Variants in GPC6 observed in about 807,000 individuals in gnomAD.
GPC6 encodes glypican 6.
A neutral mutation model predicts 55.2 loss-of-function variants in GPC6; 14 were observed. The ratio of observed to expected loss-of-function variants is 0.25; its 90% CI spans 0.17 to 0.40. The LOEUF is 0.40. Among genes scored for constraint, GPC6 ranks in the 10% least tolerant of loss-of-function variants. The pLI, the probability that GPC6 is intolerant of heterozygous loss-of-function variation, is 1.00. For missense variants in GPC6, 641 were observed against 708.5 expected, an observed-to-expected ratio of 0.90 and a Z score of 1.08; for synonymous variants, 278 against 259.6, an observed-to-expected ratio of 1.07 and a Z score of -0.68.
intron 4 of GPC6, among the ~76,000 whole-genome samples, chr13:94,096,475 T>C (rs534252484): frequency 7.9e-5 from 12 of 152,280 alleles, no homozygotes; most frequent in Non-Finnish European, 1.5e-4. Flanking sequence ...CTCTTTATTG[T>C]TTCAGAGTCT....
chr13:93,812,595 A>G (rs1364719755), intron 2 of GPC6, among the ~76,000 whole-genome samples: 1 of 152,196 alleles, frequency 6.6e-6, no homozygotes, highest in African/African-American at 2.4e-5. Flanking sequence ...CACTTCTCTT[A>G]ATAAAGATAC....
intron 4 of GPC6, among the ~76,000 whole-genome samples, chr13:94,106,557 G>A (rs1488418908): frequency 6.6e-6 from 1 of 151,774 alleles, no homozygotes; most frequent in Non-Finnish European, 1.5e-5. Context: ...GAGAGAGGGA[G>A]GGAAAGAGAT....
intron 2 of GPC6, among the ~76,000 whole-genome samples, chr13:93,779,482 G>A (rs1245798467): frequency 6.6e-6 from 1 of 152,064 alleles, no homozygotes; most frequent in East Asian, 1.9e-4. Context: ...AAGTATCTAT[G>A]GACCATTAGA....
At chr13:93,569,174 A>C (rs570327270) in intron 2 of GPC6, among the ~76,000 whole-genome samples, 5 of 152,332 alleles carry the variant, frequency 3.3e-5, no homozygotes, top group Admixed American at 3.3e-4. Flanking sequence ...TGAACATGAT[A>C]TAATAGTCTT....
intron 2 of GPC6, among the ~76,000 whole-genome samples, chr13:93,797,455 T>C (rs1164856280): frequency 2.0e-5 from 3 of 152,200 alleles, no homozygotes; most frequent in African/African-American, 4.8e-5. Context: ...TCCTCTTCTA[T>C]AATTTGAGAG....
intron 2 of GPC6, among the ~76,000 whole-genome samples, chr13:93,711,417 C>T (rs1883058464): frequency 1.3e-5 from 2 of 151,844 alleles, no homozygotes; most frequent in Admixed American, 6.6e-5. Flanking sequence ...TGAATGACCT[C>T]CTACTGCCCT....
chr13:94,223,879 G>A (rs552561854), intron 4 of GPC6, among the ~76,000 whole-genome samples: 32 of 152,184 alleles, frequency 2.1e-4, no homozygotes, highest in South Asian at 1.0e-3. Flanking sequence ...GAGCTTTTAC[G>A]GTCATTTGCT....
At chr13:94,181,385 T>C (rs1007683359) in intron 4 of GPC6, among the ~76,000 whole-genome samples, 1 of 152,128 alleles carries the variant, frequency 6.6e-6, no homozygotes, top group Non-Finnish European at 1.5e-5. Context: ...TTAGGGGAAA[T>C]AGAAAAGAAC....
Position 93,692,395 on chromosome 13 carries a change from T to C in GPC6, c.320-137759T>C, listed in dbSNP as rs144754200. 8.4e-3 allele frequency among the ~76,000 whole-genome samples: 1,274 copies of C among 152,230 alleles called. 8 individuals carry two copies. The highest frequency in any genetic ancestry group is 0.015 in the Non-Finnish European group (1,016 of 67,954). ...TTACAATGTTTGAAGAAAAGTATAC[T>C]ATAAGTTTTTATTAAGTCATATAAT... On this transcript the variant is annotated intron_variant, in intron 2 of 8. Coordinates refer to ENST00000377047, the MANE Select transcript of GPC6 (RefSeq NM_005708.5).
At chr13:94,128,475 G>A (rs1194242187) in intron 4 of GPC6, among the ~76,000 whole-genome samples, 1 of 152,116 alleles carries the variant, frequency 6.6e-6, no homozygotes, top group Non-Finnish European at 1.5e-5. Flanking sequence ...TGCCTAATAT[G>A]AGTCAGGTGG....
intron 4 of GPC6, among the ~76,000 whole-genome samples, chr13:94,155,391 A>G (rs1887897964): frequency 6.6e-6 from 1 of 152,152 alleles, no homozygotes; most frequent in African/African-American, 2.4e-5. Flanking sequence ...TAAATATCTC[A>G]AATTACTCTA....
intron 3 of GPC6, among the ~76,000 whole-genome samples, chr13:93,871,322 T>G (rs1889126160): frequency 6.6e-6 from 1 of 151,966 alleles, no homozygotes; most frequent in African/African-American, 2.4e-5. Context: ...TAAGAAATTA[T>G]TTGTAAAGTT....
chr13:93,709,224 T>G (rs141711796), intron 2 of GPC6, among the ~76,000 whole-genome samples: 1 of 151,870 alleles, frequency 6.6e-6, no homozygotes, highest in East Asian at 2.0e-4. Flanking sequence ...AACCTAAAGT[T>G]TCATGGATAG....
intron 2 of GPC6, among the ~76,000 whole-genome samples, chr13:93,655,003 ATT>A (rs3884231): frequency 9.5e-6 from 1 of 104,732 alleles, no homozygotes; most frequent in South Asian, 3.3e-4. Context: ...TGCCCGGCTA[ATT>A]TTTTTTTTTT....
intron 4 of GPC6, among the ~76,000 whole-genome samples, chr13:94,067,892 G>A (rs182045026): frequency 1.9e-4 from 29 of 152,288 alleles, no homozygotes; most frequent in Admixed American, 2.0e-4. Context: ...ATGCTTAAAT[G>A]TAGAGAACAA....
At chr13:94,153,623 C>T (rs928975857) in intron 4 of GPC6, among the ~76,000 whole-genome samples, 3 of 152,162 alleles carry the variant, frequency 2.0e-5, no homozygotes, top group African/African-American at 7.2e-5. Flanking sequence ...AGGAGAAAAA[C>T]TTGCTATGCT....
At chr13:93,767,764 G>A (rs7998992) in intron 2 of GPC6, among the ~76,000 whole-genome samples, 9,858 of 152,088 alleles carry the variant, frequency 0.065, 625 homozygotes, top group African/African-American at 0.16. Context: ...CCGTCTGGCC[G>A]GCTCAGAGGG....
At position 93,324,593 on chromosome 13, in the gene GPC6, T is replaced by TATATATACACACATACATAC. The variant is rs1240383059; in HGVS notation, c.160+96984_160+96985insCACACATACATACATATATA. 7.9e-3 allele frequency among the ~76,000 whole-genome samples: 1,012 copies of TATATATACACACATACATAC among 128,840 alleles called. 17 individuals carry two copies. The highest frequency in any genetic ancestry group is 0.023 in the African/African-American group (849 of 36,420). 84.5% of individuals were successfully genotyped at this position (128,840 alleles called of 152,430 possible). ...ATATACACACACATACATACATATATATATATATATATATATATAAAATCT... is the reference window on the plus strand; with the variant it reads ...ATATACACACACATACATACATATATATATATACACACATACATACATATATATATATATATATAAAATCT... On this transcript the variant is annotated intron_variant, in intron 1 of 8. Transcript: ENST00000377047.
intron 3 of GPC6, among the ~76,000 whole-genome samples, chr13:93,996,134 C>T (rs917296460): frequency 2.0e-5 from 3 of 152,170 alleles, no homozygotes; most frequent in Admixed American, 2.0e-4. Flanking sequence ...TTTCCACAAT[C>T]CCTTTGAAGA....
Sources: gnomAD v4.1 joint callset for allele counts (sites outside exome capture counted in the v4.1 genomes callset) on GRCh38, gnomAD v4.1.1 for gene constraint, MANE v1.5 for transcripts, NCBI Gene and HGNC (gene_info 2026-07-23, HGNC 2026-07-21) for gene names.